CYP11A1: variants seen among roughly 807,000 people sequenced by gnomAD.
The protein encoded by CYP11A1 is cholesterol side-chain cleavage enzyme, mitochondrial.
In CYP11A1, 25 loss-of-function variants were observed where a neutral mutation model predicts 51.9. The observed-to-expected ratio is 0.48, with a 90% CI of 0.35 to 0.67. CYP11A1 has a LOEUF of 0.67. Ranked by LOEUF, CYP11A1 falls within the 30% of genes least tolerant of loss-of-function variation. The pLI, the probability that CYP11A1 is intolerant of heterozygous loss-of-function variation, is 0.00. For missense variants in CYP11A1, 578 were observed against 680.9 expected, an observed-to-expected ratio of 0.85 and a Z score of 1.68; for synonymous variants, 245 against 262.1, an observed-to-expected ratio of 0.93 and a Z score of 0.63.
chr15:74,366,314 C>CTTTTTT (rs1555426874), intron 1 of CYP11A1: 1 of 909,142 alleles, frequency 1.1e-6, no homozygotes, highest in African/African-American at 2.1e-5. Flanking sequence ...CAGAGTTTCG[C>CTTTTTT]TTTTGTTGCC....
Position 74,343,960 on chromosome 15 carries a change from C to T in CYP11A1, c.658G>A (p.Gly220Arg). ...ITNVIFGERQ[G>R]MLEEVVNPEA... ...GGGTTCACTACTTCCTCCAGCATCC[C>T]CTGGCGCTCCCCAAAAATGACGTTA... is the stretch of plus-strand genomic sequence containing the variant. Residue 220 changes from glycine to arginine, a missense_variant, in exon 4 of 9, where the codon GGG becomes AGG. Gly to Arg is a moderately radical substitution (Grantham distance 125, BLOSUM62 -2). Transcript: ENST00000268053. 1 of 1,614,096 alleles carries T rather than the reference C, an allele frequency of 6.2e-7. No homozygotes were observed. The highest frequency in any genetic ancestry group is 8.5e-7 in the Non-Finnish European group (1 of 1,180,034).
Position 74,347,920 on chromosome 15 carries a change from T to C in CYP11A1, c.405A>G (p.Arg135=). 2 of 1,614,086 alleles carry C rather than the reference T, an allele frequency of 1.2e-6. No homozygotes were observed. The highest frequency in any genetic ancestry group is 1.7e-6 in the Non-Finnish European group (2 of 1,180,000). The change falls in exon 2 of 9, where the codon AGA becomes AGG. Residue 135 remains arginine, a synonymous_variant. Transcript: ENST00000268053. The part of the protein sequence containing the change: ...PWVAYHQYYQ[R]PIGVLLKKSA... ...CTCACTTCAACAGGACTCCTATGGG[T>C]CTCTGGTAATACTGGTGATAGGCGA... is the stretch of plus-strand genomic sequence containing the variant.
At chr15:74,339,934 TC>T (rs1366353180) in intron 5 of CYP11A1, among the ~76,000 whole-genome samples, 181 bp from the exon 6 acceptor site, 1 of 152,186 alleles carries the variant, frequency 6.6e-6, no homozygotes, top group Non-Finnish European at 1.5e-5. Flanking sequence ...AAGGCAAATG[TC>T]CAAGAAGCCT....
intron 1 of CYP11A1, among the ~76,000 whole-genome samples, chr15:74,350,456 T>C (rs1329384260): frequency 6.6e-6 from 1 of 152,214 alleles, no homozygotes; most frequent in African/African-American, 2.4e-5. Flanking sequence ...AGACCCTTCT[T>C]CTCACTGGGC....
At chr15:74,346,800 CTTTTT>C (rs1046360822) in intron 2 of CYP11A1, among the ~76,000 whole-genome samples, 8 of 131,756 alleles carry the variant, frequency 6.1e-5, no homozygotes, top group African/African-American at 1.4e-4. Context: ...CTTTTCTTTT[CTTTTT>C]TTTTTTTTTT....
intron 2 of CYP11A1, among the ~76,000 whole-genome samples, chr15:74,347,007 T>C (rs1255170358): frequency 6.6e-6 from 1 of 152,060 alleles, no homozygotes; most frequent in Non-Finnish European, 1.5e-5. Flanking sequence ...GGTCTCACTG[T>C]GTTGCCCAGG....
intron 4 of CYP11A1, 93 bp downstream of exon 4, chr15:74,343,696 G>A (rs2060618850): frequency 8.5e-6 from 10 of 1,174,208 alleles, no homozygotes; most frequent in Non-Finnish European, 1.3e-5. Flanking sequence ...TTTCCTACAG[G>A]TCAAGTCAGC....
intron 1 of CYP11A1, among the ~76,000 whole-genome samples, chr15:74,349,060 A>T (rs778752372): frequency 1.6e-4 from 24 of 152,264 alleles, no homozygotes; most frequent in Middle Eastern, 3.4e-3. Context: ...GTGTTCTTAC[A>T]TGAAGAGATG....
intron 1 of CYP11A1, chr15:74,361,464 C>A: frequency 2.5e-6 from 1 of 406,782 alleles, no homozygotes. Context: ...CATGTTAAAC[C>A]AGCTAATACT....
intron 2 of CYP11A1, among the ~76,000 whole-genome samples, chr15:74,346,800 C>CTTTTTTTTTTTT (rs1046360822): frequency 7.6e-6 from 1 of 131,768 alleles, no homozygotes; most frequent in Non-Finnish European, 1.6e-5. Context: ...CTTTTCTTTT[C>CTTTTTTTTTTTT]TTTTTTTTTT....
chr15:74,345,432 G>A lies in CYP11A1; in HGVS notation c.426-189C>T, dbSNP rs764293251. On this transcript the variant is annotated intron_variant, in intron 2 of 8. Coordinates refer to ENST00000268053, the MANE Select transcript of CYP11A1 (RefSeq NM_000781.3). The surrounding 1 kb of genome is among the most constrained non-coding windows in gnomAD (Gnocchi z 4.3). The stretch of plus-strand genomic sequence containing the variant: ...CACCTCCTCCCTGCTCTGCCTGGCT[G>A]GGAGAAGAGAAAGGAAAAAAGAGAG... 1.3e-5 allele frequency: 8 copies of A among 635,156 alleles called. No individual in the cohort carries two copies. Among genetic ancestry groups the A allele is most frequent in the Admixed American group, 2.8e-5 (1 of 35,680 alleles). The allele number at this position is 635,156 out of a possible 1,614,324, so 39.3% of individuals were successfully genotyped here.
At chr15:74,350,383 T>C (rs563158787) in intron 1 of CYP11A1, 1 of 181,360 alleles carries the variant, frequency 5.5e-6, no homozygotes, top group Admixed American at 6.1e-5. Context: ...CACACAGAGC[T>C]GGAAGTCAGA....
chr15:74,342,960 C>G lies in CYP11A1; in HGVS notation c.990+17G>C. On this transcript the variant is annotated intron_variant, in intron 5 of 8. Transcript: ENST00000268053. Reference sequence around the variant, plus strand: ...GGCACAGGGGGCAACAAGGTGCCGCCCCTACAGCCACCTCACCGTGTCCAC... The same window carrying G: ...GGCACAGGGGGCAACAAGGTGCCGCGCCTACAGCCACCTCACCGTGTCCAC... The G allele has an allele frequency of 6.2e-7, 1 of 1,612,060 alleles. No individual in the cohort carries two copies. The highest frequency in any genetic ancestry group is 8.5e-7 in the Non-Finnish European group (1 of 1,179,974).
chr15:74,355,464 C>T (rs554636121), intron 1 of CYP11A1, among the ~76,000 whole-genome samples: 1 of 152,264 alleles, frequency 6.6e-6, no homozygotes, highest in African/African-American at 2.4e-5. Flanking sequence ...TTTTCCCTCC[C>T]ACCTGTCCCT....
chr15:74,352,980 T>C (rs1468691649), intron 1 of CYP11A1, among the ~76,000 whole-genome samples: 2 of 152,262 alleles, frequency 1.3e-5, no homozygotes, highest in Non-Finnish European at 2.9e-5. Context: ...AATATGTTTC[T>C]AAAATTGTGG....
Position 74,339,766 on chromosome 15 carries a change from A to G in CYP11A1, c.991-13T>C. The G allele has an allele frequency of 6.2e-7, 1 of 1,613,986 alleles. No individual in the cohort carries two copies. Among genetic ancestry groups the G allele is most frequent in the South Asian group, 1.1e-5 (1 of 91,086 alleles). On this transcript the variant is annotated splice_polypyrimidine_tract_variant and intron_variant, in intron 5 of 8. Transcript: ENST00000268053. ...GGGTCATGGACGTCTGGTGGGGAGT[A>G]GGGTATACAGAAGACCAGGAGGGCC...
At chr15:74,339,199 C>A (rs548790439) in intron 7 of CYP11A1, 38 bp downstream of exon 7, 2 of 1,571,236 alleles carry the variant, frequency 1.3e-6, no homozygotes, top group South Asian at 1.1e-5. Context: ...CCAGCCCTCT[C>A]TGACTGGCAG....
chr15:74,339,096 A>G, intron 7 of CYP11A1, 141 bp downstream of exon 7: 1 of 764,666 alleles, frequency 1.3e-6, no homozygotes, highest in East Asian at 2.7e-5. Context: ...CACCATGCCC[A>G]CCACCTCTGC....
At chr15:74,364,862 C>T (rs369974658) in intron 1 of CYP11A1, among the ~76,000 whole-genome samples, 2 of 152,294 alleles carry the variant, frequency 1.3e-5, no homozygotes, top group South Asian at 2.1e-4. Context: ...GGCGCAACCT[C>T]CCAAGCCCAG....
Sources: allele counts gnomAD v4.1 joint callset (sites outside exome capture counted in the v4.1 genomes callset), GRCh38; gene constraint gnomAD v4.1.1; non-coding constraint Gnocchi (gnomAD v3.1); transcripts MANE v1.5; gene names NCBI Gene and HGNC (gene_info 2026-07-23, HGNC 2026-07-21).